Variants in GRID2 observed in about 807,000 individuals in gnomAD.
GRID2 encodes glutamate ionotropic receptor delta type subunit 2.
GRID2 carries 33 observed loss-of-function variants against 114.8 expected under a neutral mutation model. The ratio of observed to expected loss-of-function variants is 0.29; its 90% CI spans 0.22 to 0.38. The LOEUF (loss-of-function observed/expected upper bound fraction) is 0.38, where lower values mean the gene tolerates loss of function less well. Among genes scored for constraint, GRID2 ranks in the 10% least tolerant of loss-of-function variants. The pLI is 1.00. For missense variants in GRID2, 1,184 were observed against 1,257.7 expected (o/e 0.94, Z 0.89); for synonymous variants, 505 against 449.9 (o/e 1.12, Z -1.55).
intron 10 of GRID2, among the ~76,000 whole-genome samples, chr4:93,445,444 G>T (rs1722007628): frequency 6.6e-6 from 1 of 151,934 alleles, no homozygotes; most frequent in Non-Finnish European, 1.5e-5. Context: ...AGTTTTTACA[G>T]TTCAGTGTTT....
intron 1 of GRID2, among the ~76,000 whole-genome samples, chr4:92,582,031 T>G (rs934892553): frequency 2.6e-5 from 4 of 151,950 alleles, no homozygotes; most frequent in African/African-American, 9.7e-5. Flanking sequence ...GAATGGAAGT[T>G]AATATTATAA....
intron 2 of GRID2, among the ~76,000 whole-genome samples, chr4:92,648,320 A>T (rs966258834): frequency 3.3e-5 from 5 of 149,704 alleles, no homozygotes; most frequent in Non-Finnish European, 7.4e-5. Context: ...TAAATCACCA[A>T]AAGTTTTCAG....
At chr4:92,445,949 T>G (rs1733439384) in intron 1 of GRID2, among the ~76,000 whole-genome samples, 1 of 152,168 alleles carries the variant, frequency 6.6e-6, no homozygotes, top group Non-Finnish European at 1.5e-5. Context: ...TCATATTTTT[T>G]GTTTGTTTGT....
chr4:92,631,889 CA>C (rs1730824848), intron 2 of GRID2, among the ~76,000 whole-genome samples: 2 of 152,054 alleles, frequency 1.3e-5, no homozygotes, highest in African/African-American at 4.8e-5. Context: ...AATAGCTTTT[CA>C]AGGGTATTGG....
chr4:93,501,842 C>T (rs1011085238), intron 12 of GRID2, among the ~76,000 whole-genome samples: 3 of 152,018 alleles, frequency 2.0e-5, no homozygotes, highest in African/African-American at 7.2e-5. Flanking sequence ...CTAGACAAAT[C>T]AAATCCTTCT....
intron 3 of GRID2, among the ~76,000 whole-genome samples, chr4:93,086,381 G>A (rs1730328219): frequency 6.6e-6 from 1 of 152,164 alleles, no homozygotes; most frequent in South Asian, 2.1e-4. Flanking sequence ...AGTTACACAA[G>A]AGTCGTCCAG....
chr4:93,257,123 C>T (rs769061734), intron 8 of GRID2, among the ~76,000 whole-genome samples: 6 of 151,754 alleles, frequency 4.0e-5, no homozygotes, highest in Middle Eastern at 3.4e-3. Context: ...AAGCTCATTC[C>T]GAATGATCTG....
At chr4:93,577,369 T>C (rs1736526045) in intron 13 of GRID2, among the ~76,000 whole-genome samples, 1 of 152,076 alleles carries the variant, frequency 6.6e-6, no homozygotes, top group South Asian at 2.1e-4. Flanking sequence ...CCACAGTGAT[T>C]GAAGGACCCT....
intron 2 of GRID2, among the ~76,000 whole-genome samples, chr4:92,878,849 T>C (rs1460036147): frequency 6.6e-6 from 1 of 152,104 alleles, no homozygotes; most frequent in East Asian, 1.9e-4. Context: ...GGAAAATCTC[T>C]AGCAAGAGTT....
intron 2 of GRID2, among the ~76,000 whole-genome samples, chr4:92,693,283 G>T (rs929010656): frequency 6.6e-6 from 1 of 151,948 alleles, no homozygotes; most frequent in African/African-American, 2.4e-5. Flanking sequence ...AAATCAACTT[G>T]AAAATAAAAT....
chr4:92,544,509 A>C (rs531342792), intron 1 of GRID2, among the ~76,000 whole-genome samples: 2 of 152,242 alleles, frequency 1.3e-5, no homozygotes, highest in African/African-American at 4.8e-5. Context: ...AAAATTGCTC[A>C]TTTCTCTTTT....
intron 1 of GRID2, among the ~76,000 whole-genome samples, chr4:92,439,362 C>T (rs940251411): frequency 3.9e-5 from 6 of 152,086 alleles, no homozygotes; most frequent in Non-Finnish European, 7.3e-5. Flanking sequence ...ATGTGCAAGT[C>T]ACAGGGGTTG....
At position 93,679,140 on chromosome 4, in the gene GRID2, A is replaced by G. The variant is rs1006329750; in HGVS notation, c.2360+52705A>G. Among the ~76,000 whole-genome samples, 40 of 151,254 alleles carry G rather than the reference A, an allele frequency of 2.6e-4. 4 individuals carry two copies. The highest frequency in any genetic ancestry group is 5.9e-4 in the Admixed American group (9 of 15,224). ...AGGGATTGCAATCCTAGTCTCTGAT[A>G]AAACAGACTTTAAACCAACAAAAAT... On this transcript the variant is annotated intron_variant, in intron 14 of 15. Coordinates refer to ENST00000282020, the MANE Select transcript of GRID2 (RefSeq NM_001510.4).
chr4:93,566,668 G>T (rs554421941), intron 13 of GRID2, among the ~76,000 whole-genome samples: 1 of 152,172 alleles, frequency 6.6e-6, no homozygotes, highest in East Asian at 1.9e-4. Context: ...TACTTGGGAG[G>T]CTGAGGTATG....
chr4:92,933,156 T>C (rs1332726113), intron 2 of GRID2, among the ~76,000 whole-genome samples: 1 of 150,278 alleles, frequency 6.7e-6, no homozygotes, highest in Non-Finnish European at 1.5e-5. Flanking sequence ...ACATTATATA[T>C]ATATACACAT....
chr4:93,126,533 G>A (rs1734274040), intron 4 of GRID2, among the ~76,000 whole-genome samples: 1 of 147,880 alleles, frequency 6.8e-6, no homozygotes, highest in African/African-American at 2.5e-5. Context: ...CCCCAGCTGT[G>A]GTAGAAGATA....
chr4:92,331,433 T>C (rs1411075434), intron 1 of GRID2, among the ~76,000 whole-genome samples: 1 of 152,154 alleles, frequency 6.6e-6, no homozygotes, highest in Admixed American at 6.6e-5. Flanking sequence ...GAAAAGAATT[T>C]GCCTTACATA....
intron 14 of GRID2, among the ~76,000 whole-genome samples, chr4:93,669,124 C>G (rs1050095813): frequency 4.6e-5 from 7 of 151,978 alleles, no homozygotes; most frequent in Admixed American, 4.6e-4. Context: ...TTGACACTAC[C>G]TTTCCACTAT....
intron 2 of GRID2, among the ~76,000 whole-genome samples, chr4:92,903,690 T>A (rs1354909199): frequency 2.6e-5 from 4 of 151,952 alleles, no homozygotes; most frequent in Non-Finnish European, 2.9e-5. Context: ...AATTAAAAAA[T>A]TTTAAAAGGC....
Sources: allele counts gnomAD v4.1 joint callset (sites outside exome capture counted in the v4.1 genomes callset), GRCh38; gene constraint gnomAD v4.1.1; transcripts MANE v1.5; gene names NCBI Gene and HGNC (gene_info 2026-07-23, HGNC 2026-07-21).